ADAMTS19: variants seen among roughly 807,000 people sequenced by gnomAD.
ADAMTS19 encodes the protein A disintegrin and metalloproteinase with thrombospondin motifs 19.
Under a neutral mutation model 153.3 loss-of-function variants are expected in ADAMTS19, and 93 were observed. The observed-to-expected ratio is 0.61, with a 90% CI of 0.51 to 0.72. ADAMTS19 has a LOEUF of 0.72. Among genes scored for constraint, ADAMTS19 ranks in the 30% least tolerant of loss-of-function variants. The pLI is 0.00. For missense variants in ADAMTS19, 1,482 were observed against 1,552.1 expected (o/e 0.95, Z 0.76); for synonymous variants, 600 against 556.6 (o/e 1.08, Z -1.10).
At chr5:129,649,060 A>G in intron 13 of ADAMTS19, 90 bp downstream of exon 13, 2 of 1,239,764 alleles carry the variant, frequency 1.6e-6, no homozygotes, top group South Asian at 1.8e-5. Flanking sequence ...TTTACCTATT[A>G]TCTTCAAAAT....
At chr5:129,583,197 G>A (rs1334721065) in intron 7 of ADAMTS19, among the ~76,000 whole-genome samples, 4 of 152,086 alleles carry the variant, frequency 2.6e-5, no homozygotes, top group African/African-American at 9.7e-5. Context: ...ATGAAATTCT[G>A]GGTTGAAAAT....
At chr5:129,553,336 G>A (rs1211771128) in intron 7 of ADAMTS19, among the ~76,000 whole-genome samples, 2 of 152,194 alleles carry the variant, frequency 1.3e-5, no homozygotes, top group East Asian at 3.9e-4. Flanking sequence ...CTGTTTTGAT[G>A]ACAACAGAAC....
intron 6 of ADAMTS19, among the ~76,000 whole-genome samples, chr5:129,543,727 G>T (rs1238395124): frequency 6.6e-6 from 1 of 152,126 alleles, no homozygotes; most frequent in Non-Finnish European, 1.5e-5. Flanking sequence ...ATGCAAGCGG[G>T]CCTGAGTCTT....
At position 129,461,017 on chromosome 5, in the gene ADAMTS19, A is replaced by G; in HGVS notation, c.92-85A>G. The G allele has an allele frequency of 1.6e-6, 2 of 1,271,220 alleles. No homozygotes were observed. The highest frequency in any genetic ancestry group is 2.0e-6 in the Non-Finnish European group (2 of 1,010,808). 78.7% of individuals were successfully genotyped at this position (1,271,220 alleles called of 1,614,324 possible). A position where few individuals can be genotyped will look rare whatever the true frequency, so the allele number is the denominator to read the frequency against. On this transcript the variant is annotated intron_variant, in intron 1 of 22. Transcript: ENST00000274487. The surrounding 1 kb of genome is among the most constrained non-coding windows in gnomAD (Gnocchi z 4.6). ...ATTGCATTCAACGCGAGCGCCCTGTATCTATGGACTGTGAGCTTGGAAATG... is the reference window on the plus strand; with the variant it reads ...ATTGCATTCAACGCGAGCGCCCTGTGTCTATGGACTGTGAGCTTGGAAATG...
chr5:129,539,962 G>A (rs1018054272), intron 6 of ADAMTS19, among the ~76,000 whole-genome samples: 4 of 151,996 alleles, frequency 2.6e-5, no homozygotes, highest in African/African-American at 7.2e-5. Flanking sequence ...GTACCATTTG[G>A]TTAATAAAGA....
chr5:129,560,539 G>A (rs925195215), intron 7 of ADAMTS19, among the ~76,000 whole-genome samples: 3 of 152,176 alleles, frequency 2.0e-5, no homozygotes, highest in African/African-American at 7.2e-5. Flanking sequence ...ACTCTTCCCT[G>A]CTTTTCCTTC....
chr5:129,509,284 T>C, intron 3 of ADAMTS19, 42 bp downstream of exon 3: 1 of 1,561,352 alleles, frequency 6.4e-7, no homozygotes, highest in Admixed American at 1.9e-5. Context: ...AAATATTCAA[T>C]GTGAGATGAC....
At chr5:129,576,144 A>G (rs913792483) in intron 7 of ADAMTS19, among the ~76,000 whole-genome samples, 2 of 152,080 alleles carry the variant, frequency 1.3e-5, no homozygotes, top group Non-Finnish European at 2.9e-5. Flanking sequence ...CTATTTTGGA[A>G]TGTGTTCTTT....
chr5:129,662,904 T>G (rs1324832144), intron 15 of ADAMTS19, among the ~76,000 whole-genome samples: 1 of 146,130 alleles, frequency 6.8e-6, no homozygotes, highest in Non-Finnish European at 1.5e-5. Flanking sequence ...TTTTTTTTTT[T>G]TTTTTTTTGA....
intron 3 of ADAMTS19, among the ~76,000 whole-genome samples, chr5:129,522,332 C>CACACACATATATATAT (rs1309115957): frequency 1.8e-3 from 107 of 58,598 alleles, no homozygotes; most frequent in East Asian, 8.6e-3. Context: ...CACACACACA[C>CACACACATATATATAT]ATATATATAT....
In ADAMTS19 at chr5:129,648,963, G is replaced by A. The variant is rs539095105; in HGVS notation, c.2169G>A (p.Leu723=). 5 of 1,599,868 alleles carry A rather than the reference G, an allele frequency of 3.1e-6. No individual in the cohort carries two copies. In the South Asian group the frequency reaches 4.5e-5, roughly 14 times the overall value. ...PKHILQWQAV[L]DEEKPCALFC... ...ATATACTTCAGTGGCAAGCTGTCCTGGATGAAGGTATGACCAACCAGATCA... is the reference window on the plus strand; with the variant it reads ...ATATACTTCAGTGGCAAGCTGTCCTAGATGAAGGTATGACCAACCAGATCA... The change falls in exon 13 of 23, where the codon CTG becomes CTA. Residue 723 remains leucine (L), a synonymous_variant. Transcript: ENST00000274487.
At chr5:129,709,554 AAATT>A (rs1255215148) in intron 21 of ADAMTS19, among the ~76,000 whole-genome samples, 1 of 152,284 alleles carries the variant, frequency 6.6e-6, no homozygotes, top group East Asian at 1.9e-4. Flanking sequence ...AAAAAAGTAC[AAATT>A]AATTAGTTAT....
chr5:129,591,388 G>A (rs1252812638), intron 7 of ADAMTS19, among the ~76,000 whole-genome samples: 1 of 151,624 alleles, frequency 6.6e-6, no homozygotes, highest in South Asian at 2.1e-4. Context: ...TGCATCCCAG[G>A]TTCAAGCAAT....
rs1753071916 is a variant in ADAMTS19 at position 129,551,003 on chromosome 5, T to G, written c.1329-861T>G. Among the ~76,000 whole-genome samples the G allele has an allele frequency of 2.6e-5, 4 of 151,710 alleles. No individual in the cohort carries two copies. In the South Asian group the frequency reaches 8.3e-4, roughly 31 times the overall value. On this transcript the variant is annotated intron_variant, in intron 6 of 22. Transcript: ENST00000274487. ...TCAATACCTTATATGTGTTAATTCA[T>G]GTCCCTTGCACAGTAACCTAAGTTT...
chr5:129,714,802 TAAC>T (rs1279779042), intron 21 of ADAMTS19, among the ~76,000 whole-genome samples: 1 of 152,244 alleles, frequency 6.6e-6, no homozygotes, highest in Non-Finnish European at 1.5e-5. Context: ...AAAAAATGTT[TAAC>T]AAAAGATTTT....
intron 21 of ADAMTS19, among the ~76,000 whole-genome samples, chr5:129,731,684 C>T (rs920978842): frequency 1.3e-5 from 2 of 151,674 alleles, no homozygotes; most frequent in Non-Finnish European, 1.5e-5. Flanking sequence ...CAATGATGAT[C>T]GTAAAGGAAG....
chr5:129,562,724 G>A (rs1454584745), intron 7 of ADAMTS19, among the ~76,000 whole-genome samples: 1 of 152,084 alleles, frequency 6.6e-6, no homozygotes, highest in African/African-American at 2.4e-5. Flanking sequence ...AGCTGGCAAA[G>A]ATAAATGCTG....
chr5:129,734,953 G>T lies in ADAMTS19; in HGVS notation c.3334G>T (p.Gly1112Ter). ...CTAGTGCTCAATTACCTGTGGCAAA[G>T]GAATGCAGTCCCGTGTAATCCAATG... Reference protein sequence around the residue: ...WSKCSITCGKGMQSRVIQCMH... With the variant: ...WSKCSITCGK Residue 1112 changes from glycine to a stop codon, truncating the protein, a stop_gained, in exon 22 of 23, where the codon GGA becomes TGA. Transcript: ENST00000274487. LOFTEE classifies it high-confidence loss of function. The T allele has an allele frequency of 6.3e-7, 1 of 1,588,464 alleles. No homozygotes were observed.
At chr5:129,631,391 C>A (rs1244160834) in intron 10 of ADAMTS19, among the ~76,000 whole-genome samples, 1 of 151,670 alleles carries the variant, frequency 6.6e-6, no homozygotes, top group Non-Finnish European at 1.5e-5. Context: ...TTATACAAAT[C>A]GTCTTTTATT....
Sources: gnomAD v4.1 joint callset for allele counts (sites outside exome capture counted in the v4.1 genomes callset) on GRCh38, gnomAD v4.1.1 for gene constraint, Gnocchi (gnomAD v3.1) non-coding constraint, MANE v1.5 for transcripts, NCBI Gene and HGNC (gene_info 2026-07-23, HGNC 2026-07-21) for gene names.